The following AOPEP variants were observed in gnomAD, a reference collection of about 807,000 sequenced individuals.
AOPEP encodes the protein aminopeptidase O (putative), also known as aminopeptidase O.
A neutral mutation model predicts 98.1 loss-of-function variants in AOPEP; 77 were observed. The observed-to-expected ratio is 0.78, with a 90% CI of 0.65 to 0.95. The LOEUF (loss-of-function observed/expected upper bound fraction) is 0.95. Among genes scored for constraint, AOPEP ranks in the 40% least tolerant of loss-of-function variants. The probability of loss-of-function intolerance (pLI) is 0.00; values close to 1 mark genes in which losing one functional copy is unlikely to be tolerated. For synonymous variants in AOPEP, 346 were observed against 365.3 expected, an observed-to-expected ratio of 0.95 and a Z score of 0.60; for missense variants, 1,024 against 1,024.7, an observed-to-expected ratio of 1.00 and a Z score of 0.01.
chr9:95,097,778 G>A, the AOPEP span, among the ~76,000 whole-genome samples: 34 of 152,328 alleles, frequency 2.2e-4, 1 homozygote, highest in East Asian at 6.2e-3. Flanking sequence ...TGGGCTTGAG[G>A]GGTGTGATTT....
chr9:94,754,651 A>C (rs189832440), intron 1 of AOPEP, among the ~76,000 whole-genome samples: 1 of 152,332 alleles, frequency 6.6e-6, no homozygotes, highest in Admixed American at 6.5e-5. Flanking sequence ...AATTCCACAA[A>C]TATTTATTGA....
intron 5 of AOPEP, among the ~76,000 whole-genome samples, chr9:94,874,101 A>G (rs186060246): frequency 3.3e-5 from 5 of 152,302 alleles, no homozygotes; most frequent in Non-Finnish European, 4.4e-5. Context: ...TGAATTGAAA[A>G]AATAAAAATG....
chr9:95,012,998 G>A (rs2062675222), intron 13 of AOPEP, among the ~76,000 whole-genome samples: 2 of 109,660 alleles, frequency 1.8e-5, no homozygotes, highest in African/African-American at 6.6e-5. Flanking sequence ...GGGGGGGGGG[G>A]CAGGGCGATT....
the AOPEP span, among the ~76,000 whole-genome samples, chr9:95,108,082 A>ATACT: frequency 6.6e-6 from 1 of 152,220 alleles, no homozygotes; most frequent in East Asian, 1.9e-4. Flanking sequence ...TTCTGAAAGA[A>ATACT]TACTTAGGCC....
chr9:94,834,929 G>T (rs1472359965), intron 5 of AOPEP, among the ~76,000 whole-genome samples: 1 of 152,116 alleles, frequency 6.6e-6, no homozygotes, highest in African/African-American at 2.4e-5. Context: ...GACAAACTCT[G>T]TTGTTAGATT....
intron 13 of AOPEP, among the ~76,000 whole-genome samples, chr9:95,017,368 TG>T (rs1242938359): frequency 6.6e-6 from 1 of 152,234 alleles, no homozygotes; most frequent in Non-Finnish European, 1.5e-5. Context: ...TTGTACAACA[TG>T]TTACTGTACT....
chr9:94,763,012 T>G (rs1838727069), intron 2 of AOPEP: 9 of 331,280 alleles, frequency 2.7e-5, no homozygotes, highest in South Asian at 2.3e-4. Context: ...CTGTCTACAT[T>G]TATTAAAACT....
intron 5 of AOPEP, among the ~76,000 whole-genome samples, chr9:94,896,105 C>T (rs367730101): frequency 1.3e-5 from 2 of 152,038 alleles, no homozygotes; most frequent in Non-Finnish European, 2.9e-5. Context: ...TCATTATTTT[C>T]GGAGGATGCA....
the AOPEP span, among the ~76,000 whole-genome samples, chr9:95,137,463 G>A: frequency 1.3e-5 from 2 of 152,028 alleles, no homozygotes; most frequent in Non-Finnish European, 2.9e-5. Flanking sequence ...AGGACCCACC[G>A]GCAGGCCCCG....
At chr9:95,130,901 C>A in the AOPEP span, among the ~76,000 whole-genome samples, 1 of 152,194 alleles carries the variant, frequency 6.6e-6, no homozygotes, top group African/African-American at 2.4e-5. Flanking sequence ...CAATGAGGCA[C>A]CTTTATAAAT....
At chr9:95,148,025 G>C in the AOPEP span, among the ~76,000 whole-genome samples, 1 of 152,068 alleles carries the variant, frequency 6.6e-6, no homozygotes, top group Admixed American at 6.5e-5. Flanking sequence ...TGCACTGATA[G>C]CGCAAAAGCA....
At chr9:94,957,423 G>C (rs1394356025) in intron 9 of AOPEP, among the ~76,000 whole-genome samples, 2 of 152,170 alleles carry the variant, frequency 1.3e-5, no homozygotes, top group African/African-American at 4.8e-5. Context: ...GGCCAGGCTG[G>C]TCTTGAACTT....
chr9:94,997,322 A>G (rs2061304936), intron 11 of AOPEP, among the ~76,000 whole-genome samples: 1 of 152,160 alleles, frequency 6.6e-6, no homozygotes, highest in South Asian at 2.1e-4. Flanking sequence ...CCTGCCCAAC[A>G]TTGTGTCTGC....
downstream of AOPEP, among the ~76,000 whole-genome samples, chr9:95,091,102 C>T (rs1192821819): frequency 6.6e-6 from 1 of 152,212 alleles, no homozygotes; most frequent in Non-Finnish European, 1.5e-5. Context: ...CAGCTGTGAC[C>T]CACAGAGCAG....
At chr9:94,729,952 C>T (rs572089505) in intron 1 of AOPEP, among the ~76,000 whole-genome samples, 41 of 152,270 alleles carry the variant, frequency 2.7e-4, no homozygotes, top group Non-Finnish European at 5.6e-4. Flanking sequence ...GGAGGTTAGA[C>T]TATTGAAATT....
At chr9:94,910,571 C>G (rs2051874675) in intron 5 of AOPEP, among the ~76,000 whole-genome samples, 1 of 152,198 alleles carries the variant, frequency 6.6e-6, no homozygotes, top group African/African-American at 2.4e-5. Flanking sequence ...CCTATTGCAC[C>G]TGGCTTCACA....
At chr9:95,119,780 C>T in the AOPEP span, among the ~76,000 whole-genome samples, 1 of 152,090 alleles carries the variant, frequency 6.6e-6, no homozygotes, top group Non-Finnish European at 1.5e-5. Context: ...GGCATGATCA[C>T]AGCTCACTGA....
intron 7 of AOPEP, among the ~76,000 whole-genome samples, chr9:94,949,293 C>T (rs561215180): frequency 6.6e-6 from 1 of 152,288 alleles, no homozygotes; most frequent in East Asian, 1.9e-4. Flanking sequence ...TTTTCCCACC[C>T]TGATTATTAA....
intron 13 of AOPEP, among the ~76,000 whole-genome samples, chr9:95,023,497 T>C (rs1664857936): frequency 6.6e-6 from 1 of 152,222 alleles, no homozygotes; most frequent in Admixed American, 6.5e-5. Flanking sequence ...TCAGGTTCAG[T>C]TGGAAGTTTC....
Sources: gnomAD v4.1 joint callset for allele counts (sites outside exome capture counted in the v4.1 genomes callset) on GRCh38, gnomAD v4.1.1 for gene constraint, MANE v1.5 for transcripts, NCBI Gene and HGNC (gene_info 2026-07-23, HGNC 2026-07-21) for gene names.